Variants in XAF1 observed in about 807,000 individuals in gnomAD.
XAF1 encodes the protein XIAP associated factor 1.
A neutral mutation model predicts 32.3 loss-of-function variants in XAF1; 32 were observed. The ratio of observed to expected loss-of-function variants is 0.99; its 90% CI spans 0.75 to 1.33. XAF1 has a LOEUF of 1.33. XAF1 is among the 40% of genes most tolerant of loss of function. The probability of loss-of-function intolerance (pLI) is 0.00; values close to 1 mark genes in which losing one functional copy is unlikely to be tolerated. For missense variants in XAF1, 379 were observed against 366.0 expected, an observed-to-expected ratio of 1.04 and a Z score of -0.29; for synonymous variants, 120 against 125.9, an observed-to-expected ratio of 0.95 and a Z score of 0.31.
intron 2 of XAF1, 180 bp downstream of exon 2, chr17:6,758,404 G>T: frequency 1.1e-6 from 1 of 914,550 alleles, no homozygotes; most frequent in South Asian, 1.7e-5. Context: ...GGGTCTGAGA[G>T]TCAAGGCGAG....
rs1975969566 is a variant in XAF1, at chr17:6,770,783, T to C, written c.648T>C (p.Ser216=). 6.2e-7 allele frequency: 1 copy of C among 1,613,914 alleles called. No homozygotes were observed. Among genetic ancestry groups the C allele is most frequent in the Non-Finnish European group, 8.5e-7 (1 of 1,179,974 alleles). The change falls in exon 6 of 7, where the codon AGT becomes AGC. Residue 216 remains serine (S), a synonymous_variant. Transcript: ENST00000361842. The part of the protein sequence containing the change: ...MEKDVRPKTR[S]INRFPLHSES... The stretch of plus-strand genomic sequence containing the variant: ...AAGATGTTCGTCCAAAGACAAGAAG[T>C]ATAAACAGATTTCCTCTTCATTCTG...
intron 6 of XAF1, among the ~76,000 whole-genome samples, chr17:6,772,620 G>A (rs984839169): frequency 7.3e-5 from 11 of 151,590 alleles, no homozygotes; most frequent in African/African-American, 1.5e-4. Context: ...ACAGGCACCC[G>A]CCACCACACC....
intron 6 of XAF1, among the ~76,000 whole-genome samples, chr17:6,772,611 C>T (rs1342876873): frequency 6.6e-6 from 1 of 151,676 alleles, no homozygotes; most frequent in East Asian, 1.9e-4. Flanking sequence ...GCTGGGAGTA[C>T]AGGCACCCGC....
chr17:6,756,396 G>T, intron 1 of XAF1: 1 of 813,318 alleles, frequency 1.2e-6, no homozygotes, highest in Non-Finnish European at 1.7e-6. Flanking sequence ...TCCCAACTGG[G>T]CTACTCATAC....
intron 5 of XAF1, among the ~76,000 whole-genome samples, chr17:6,768,129 CT>C (rs113141167): frequency 6.6e-4 from 96 of 144,774 alleles, no homozygotes; most frequent in Middle Eastern, 3.7e-3. Context: ...TTCTTTCTTT[CT>C]TTTTTTTTTT....
rs370790088 is a variant in XAF1, at chr17:6,759,575, T to C, written c.169-87T>C. 9.2e-4 allele frequency: 1,464 copies of C among 1,595,454 alleles called. 14 individuals are homozygous for C. The African/African-American group carries it at 0.017, about 19-fold the overall frequency. ...GTTCACAGACCCAAACCCGGAACAC[T>C]GTGAGCCAAAGTGGATGTGGGGCAG... On this transcript the variant is annotated intron_variant, in intron 2 of 6. Coordinates refer to ENST00000361842, the MANE Select transcript of XAF1 (RefSeq NM_017523.5).
In XAF1 at chr17:6,770,701, T is replaced by G. The variant is rs1218640127; in HGVS notation, c.566T>G (p.Ile189Ser). 16 of 1,610,832 alleles carry G rather than the reference T, an allele frequency of 9.9e-6. No individual in the cohort carries two copies. Among genetic ancestry groups the G allele is most frequent in the Non-Finnish European group, 1.4e-5 (16 of 1,179,222 alleles). Residue 189 changes from isoleucine (I) to serine (S), a missense_variant, in exon 6 of 7, where the codon ATT becomes AGT. Coordinates refer to ENST00000361842, the MANE Select transcript of XAF1 (RefSeq NM_017523.5). ...CACTTTCCTGTTGGAAATCCAGAAA[T>G]TCTTCCTTCATCTCTTCCAAGTCAA... ...KKHFPVGNPE[I>S]LPSSLPSQAA...
chr17:6,775,157 A>T lies in XAF1; in HGVS notation c.*1988A>T, dbSNP rs1444823363. 2 of 152,270 alleles carry T rather than the reference A, an allele frequency of 1.3e-5. No homozygotes were observed. The highest frequency in any genetic ancestry group is 2.4e-5 in the African/African-American group (1 of 41,460). The allele number at this position is 152,270 out of a possible 1,614,324, so 9.4% of individuals were successfully genotyped here. Reference sequence around the variant, plus strand: ...GGATGGAGCTGGAAGCCATTATCCTAAATGAACTCACTCAGAAACAGAAAA... The same window carrying T: ...GGATGGAGCTGGAAGCCATTATCCTTAATGAACTCACTCAGAAACAGAAAA... On this transcript the variant is annotated 3_prime_UTR_variant, in exon 7 of 7. Coordinates refer to ENST00000361842, the MANE Select transcript of XAF1 (RefSeq NM_017523.5).
intron 3 of XAF1, 55 bp from the exon 4 acceptor site, chr17:6,760,347 CAAAA>C (rs71383422): frequency 2.9e-3 from 3,019 of 1,040,132 alleles, no homozygotes; most frequent in East Asian, 3.2e-3. Context: ...GACTCTGTCT[CAAAA>C]AAAAAAAAAA....
At chr17:6,756,303 T>G in intron 1 of XAF1, 193 bp downstream of exon 1, 2 of 1,386,002 alleles carry the variant, frequency 1.4e-6, no homozygotes, top group Non-Finnish European at 9.4e-7. Flanking sequence ...GTGGGCAGCA[T>G]TACCTCCACT....
At chr17:6,758,414 G>C in intron 2 of XAF1, 190 bp downstream of exon 2, 3 of 841,206 alleles carry the variant, frequency 3.6e-6, no homozygotes, top group Non-Finnish European at 5.5e-6. Flanking sequence ...GTCAAGGCGA[G>C]TGTTCAGTCC....
chr17:6,768,185 A>G (rs1006871071), intron 5 of XAF1, among the ~76,000 whole-genome samples: 2 of 151,136 alleles, frequency 1.3e-5, no homozygotes, highest in Non-Finnish European at 2.9e-5. Context: ...GTGCAGTGGC[A>G]CGATCTTGGC....
intron 5 of XAF1, among the ~76,000 whole-genome samples, chr17:6,765,651 T>A (rs1485566515): frequency 6.6e-6 from 1 of 152,154 alleles, no homozygotes; most frequent in Non-Finnish European, 1.5e-5. Context: ...ATCTTTCCAG[T>A]TGTTCAGGCC....
intron 5 of XAF1, among the ~76,000 whole-genome samples, chr17:6,769,644 A>G (rs1404429078): frequency 1.3e-5 from 2 of 152,238 alleles, no homozygotes; most frequent in African/African-American, 2.4e-5. Context: ...GTGAGTTTCT[A>G]TCTGGTGGGA....
intron 1 of XAF1, 23 bp from the exon 2 acceptor site, chr17:6,758,066 A>G: frequency 1.2e-6 from 2 of 1,613,888 alleles, no homozygotes; most frequent in Non-Finnish European, 8.5e-7. Context: ...CTATTTTTCT[A>G]TCCCCACACC....
intron 4 of XAF1, 31 bp downstream of exon 4, chr17:6,760,632 C>A (rs774818385): frequency 6.3e-7 from 1 of 1,586,662 alleles, no homozygotes; most frequent in East Asian, 2.3e-5. Context: ...GGAAGAGAGA[C>A]GTTCCAAGGG....
chr17:6,764,569 ATTTTT>A lies in XAF1; in HGVS notation c.507+2334_507+2338del, dbSNP rs912082596. Among the ~76,000 whole-genome samples the A allele has an allele frequency of 3.3e-5, 5 of 151,932 alleles. No homozygotes were observed. The South Asian group carries it at 1.0e-3, about 32-fold the overall frequency. The stretch of plus-strand genomic sequence containing the variant: ...ATATCAATGGCCTTGCACGAAAAGA[ATTTTT>A]TTTTAATTTTGAAAATTAAGGATTG... On this transcript the variant is annotated intron_variant, in intron 5 of 6. Coordinates refer to ENST00000361842, the MANE Select transcript of XAF1 (RefSeq NM_017523.5).
Position 6,762,182 on chromosome 17 carries a change from A to C in XAF1, c.449A>C (p.Glu150Ala). 6.2e-7 allele frequency: 1 copy of C among 1,613,840 alleles called. No homozygotes were observed. Among genetic ancestry groups the C allele is most frequent in the Non-Finnish European group, 8.5e-7 (1 of 1,179,850 alleles). ...KGERISAPER[E>A]IYCHYCNQMI... ...GAAAGAATTTCAGCTCCTGAAAGGG[A>C]AATCTACTGTCATTATTGCAACCAA... Residue 150 changes from glutamate (E) to alanine (A), a missense_variant, in exon 5 of 7, where the codon GAA becomes GCA. Transcript: ENST00000361842.
intron 5 of XAF1, among the ~76,000 whole-genome samples, chr17:6,764,178 G>A (rs983069855): frequency 6.6e-6 from 1 of 152,162 alleles, no homozygotes; most frequent in Non-Finnish European, 1.5e-5. Context: ...GGAAAATGGG[G>A]ATAATGGTTT....
Sources: allele counts gnomAD v4.1 joint callset (sites outside exome capture counted in the v4.1 genomes callset), GRCh38; gene constraint gnomAD v4.1.1; transcripts MANE v1.5; gene names NCBI Gene and HGNC (gene_info 2026-07-23, HGNC 2026-07-21).